PPP1R9A: variants seen among roughly 807,000 people sequenced by gnomAD.
The protein encoded by PPP1R9A is protein phosphatase 1 regulatory subunit 9A, also known as neurabin-1.
In PPP1R9A, 59 loss-of-function variants were observed where a neutral mutation model predicts 141.9. That is an observed-to-expected ratio of 0.42 (90% CI 0.34 to 0.52). The LOEUF (loss-of-function observed/expected upper bound fraction) is 0.52. Among genes scored for constraint, PPP1R9A ranks in the 20% least tolerant of loss-of-function variants. PPP1R9A has a pLI of 0.10. For synonymous variants in PPP1R9A, 500 were observed against 569.7 expected, an observed-to-expected ratio of 0.88 and a Z score of 1.74; for missense variants, 1,444 against 1,611.9, an observed-to-expected ratio of 0.90 and a Z score of 1.78.
chr7:95,112,852 T>G (rs966093530), intron 3 of PPP1R9A, among the ~76,000 whole-genome samples: 2 of 152,072 alleles, frequency 1.3e-5, no homozygotes, highest in Non-Finnish European at 2.9e-5. Flanking sequence ...TGTTCTCACT[T>G]ATAAGTGAGA....
intron 5 of PPP1R9A, among the ~76,000 whole-genome samples, chr7:95,190,344 G>A (rs1254718309): frequency 6.6e-6 from 1 of 152,182 alleles, no homozygotes; most frequent in Non-Finnish European, 1.5e-5. Context: ...TTAGTGCTGG[G>A]AAATGTCTGT....
intron 2 of PPP1R9A, among the ~76,000 whole-genome samples, chr7:94,935,792 T>C (rs931501164): frequency 2.6e-5 from 4 of 152,184 alleles, no homozygotes; most frequent in African/African-American, 9.7e-5. Flanking sequence ...TGAGTAAAAC[T>C]TGTTGATTGC....
intron 2 of PPP1R9A, among the ~76,000 whole-genome samples, chr7:95,054,240 C>T (rs1014706895): frequency 6.6e-6 from 1 of 151,344 alleles, no homozygotes; most frequent in African/African-American, 2.4e-5. Flanking sequence ...CTTGGCCTCC[C>T]GAGTAGCTGA....
At chr7:95,284,361 A>G (rs1039296259) in intron 17 of PPP1R9A, 31 bp downstream of exon 17, 11 of 1,391,502 alleles carry the variant, frequency 7.9e-6, no homozygotes, top group Non-Finnish European at 1.1e-5. Flanking sequence ...AATGCATGGT[A>G]TTTCTTATGT....
intron 2 of PPP1R9A, among the ~76,000 whole-genome samples, chr7:94,980,443 C>T (rs1014819923): frequency 5.9e-5 from 9 of 152,128 alleles, no homozygotes; most frequent in Admixed American, 2.0e-4. Context: ...CATTCTAATA[C>T]TTTTCTAGCT....
intron 2 of PPP1R9A, among the ~76,000 whole-genome samples, chr7:95,043,581 C>G (rs1048074558): frequency 5.9e-5 from 9 of 152,132 alleles, no homozygotes; most frequent in African/African-American, 2.2e-4. Flanking sequence ...CCAGGTACCC[C>G]CTCTAGCATG....
chr7:95,269,582 A>G (rs1801839451), intron 14 of PPP1R9A, 75 bp downstream of exon 14: 6 of 1,243,610 alleles, frequency 4.8e-6, no homozygotes, highest in Middle Eastern at 2.0e-4. Context: ...TCTCATAATC[A>G]TAAGTCATTT....
At chr7:95,115,670 G>C (rs1489538465) in intron 3 of PPP1R9A, among the ~76,000 whole-genome samples, 1 of 152,064 alleles carries the variant, frequency 6.6e-6, no homozygotes, top group Non-Finnish European at 1.5e-5. Context: ...TATAATCCCA[G>C]CACTTTGGGA....
At chr7:95,114,672 A>G (rs766345428) in intron 3 of PPP1R9A, among the ~76,000 whole-genome samples, 2 of 152,170 alleles carry the variant, frequency 1.3e-5, no homozygotes, top group African/African-American at 2.4e-5. Flanking sequence ...ATTTATGGAC[A>G]GAAAACAAAA....
chr7:95,117,061 C>T (rs763696330), intron 3 of PPP1R9A, among the ~76,000 whole-genome samples: 1 of 152,106 alleles, frequency 6.6e-6, no homozygotes, highest in Non-Finnish European at 1.5e-5. Flanking sequence ...ATTTAAATGA[C>T]TGCATATATC....
At chr7:94,983,783 C>G (rs992191469) in intron 2 of PPP1R9A, among the ~76,000 whole-genome samples, 1 of 152,200 alleles carries the variant, frequency 6.6e-6, no homozygotes, top group Non-Finnish European at 1.5e-5. Context: ...CAAACAGGGA[C>G]AGTTTGACTT....
At chr7:94,998,042 T>C (rs571408973) in intron 2 of PPP1R9A, among the ~76,000 whole-genome samples, 3 of 152,176 alleles carry the variant, frequency 2.0e-5, no homozygotes, top group Non-Finnish European at 4.4e-5. Flanking sequence ...TTTTACTTAT[T>C]CCATCATGGC....
chr7:95,008,246 C>T (rs1376737000), intron 2 of PPP1R9A, among the ~76,000 whole-genome samples: 1 of 152,082 alleles, frequency 6.6e-6, no homozygotes, highest in Admixed American at 6.6e-5. Flanking sequence ...TGGTACTCTT[C>T]TACTCCATTT....
At chr7:94,992,724 G>A (rs1801672020) in intron 2 of PPP1R9A, among the ~76,000 whole-genome samples, 1 of 152,072 alleles carries the variant, frequency 6.6e-6, no homozygotes, top group African/African-American at 2.4e-5. Context: ...AATGGCTAAT[G>A]ATTTTGCATC....
At chr7:95,283,625 G>T (rs1804698474) in intron 16 of PPP1R9A, among the ~76,000 whole-genome samples, 1 of 152,186 alleles carries the variant, frequency 6.6e-6, no homozygotes. Context: ...GAGGAAGACA[G>T]GAAAGAATGC....
intron 2 of PPP1R9A, among the ~76,000 whole-genome samples, chr7:94,926,271 C>G: frequency 6.6e-6 from 1 of 152,280 alleles, no homozygotes; most frequent in South Asian, 2.1e-4. Flanking sequence ...GTTGTGCTCT[C>G]TTTCGTTTGG....
rs868420367 is a variant in PPP1R9A at position 95,237,185 on chromosome 7, T to A, written c.2113-10288T>A. Among the ~76,000 whole-genome samples, 591 of 136,936 alleles carry A rather than the reference T, an allele frequency of 4.3e-3. 3 individuals are homozygous for A. Among genetic ancestry groups the A allele is most frequent in the Middle Eastern group, 0.011 (3 of 264 alleles). 89.8% of individuals were successfully genotyped at this position (136,936 alleles called of 152,430 possible). A position where few individuals can be genotyped will look rare whatever the true frequency, so the allele number is the denominator to read the frequency against. ...TATGTGTATATATATATATATTTTT[T>A]TTTTTTTATGGTTTTTTGTTTTTTT... On this transcript the variant is annotated intron_variant, in intron 8 of 19. Coordinates refer to ENST00000433360, the MANE Select transcript of PPP1R9A (RefSeq NM_001166160.2).
chr7:95,116,670 A>C (rs1268204250), intron 3 of PPP1R9A, among the ~76,000 whole-genome samples: 1 of 152,200 alleles, frequency 6.6e-6, no homozygotes, highest in African/African-American at 2.4e-5. Flanking sequence ...ATTGCAAAAA[A>C]CAGTATTAAA....
intron 2 of PPP1R9A, among the ~76,000 whole-genome samples, chr7:95,095,111 C>T (rs1167511423): frequency 1.3e-5 from 2 of 152,050 alleles, no homozygotes; most frequent in Non-Finnish European, 1.5e-5. Context: ...ATCAAGTCAC[C>T]TAACTGGTCC....
Sources: allele counts gnomAD v4.1 joint callset (sites outside exome capture counted in the v4.1 genomes callset), GRCh38; gene constraint gnomAD v4.1.1; transcripts MANE v1.5; gene names NCBI Gene and HGNC (gene_info 2026-07-23, HGNC 2026-07-21).